Variants in CCDC85A observed in about 807,000 individuals in gnomAD.
CCDC85A encodes the protein coiled-coil domain-containing protein 85A.
CCDC85A carries 38 observed loss-of-function variants against 50.2 expected under a neutral mutation model. That is an observed-to-expected ratio of 0.76 (90% CI 0.58 to 0.99). The LOEUF (loss-of-function observed/expected upper bound fraction) is 0.99, where lower values mean the gene tolerates loss of function less well. CCDC85A is among the 50% of genes least tolerant of loss of function. The probability of loss-of-function intolerance (pLI) is 0.00; values close to 1 mark genes in which losing one functional copy is unlikely to be tolerated. For missense variants in CCDC85A, 820 were observed against 742.0 expected, an observed-to-expected ratio of 1.11 and a Z score of -1.22; for synonymous variants, 366 against 301.4, an observed-to-expected ratio of 1.21 and a Z score of -2.22.
chr2:56,233,552 C>A (rs569433218), intron 2 of CCDC85A, among the ~76,000 whole-genome samples: 1 of 152,054 alleles, frequency 6.6e-6, no homozygotes, highest in African/African-American at 2.4e-5. Flanking sequence ...GACTGTCTTC[C>A]AATAAAATTT....
At chr2:56,229,982 G>T (rs1444748438) in intron 2 of CCDC85A, among the ~76,000 whole-genome samples, 1 of 152,164 alleles carries the variant, frequency 6.6e-6, no homozygotes, top group Non-Finnish European at 1.5e-5. Context: ...GCAGTTGCCA[G>T]AGAATCTTAG....
Position 56,189,297 on chromosome 2 carries a change from GT to G in CCDC85A, c.277-3165del, listed in dbSNP as rs70955011. Among the ~76,000 whole-genome samples, 338 of 121,900 alleles carry G rather than the reference GT, an allele frequency of 2.8e-3. 13 individuals are homozygous for G. Among genetic ancestry groups the G allele is most frequent in the African/African-American group, 8.1e-3 (238 of 29,226 alleles). The allele number at this position is 121,900 out of a possible 152,430, so 80.0% of individuals were successfully genotyped here. On this transcript the variant is annotated intron_variant, in intron 1 of 5. Coordinates refer to ENST00000407595, the MANE Select transcript of CCDC85A (RefSeq NM_001080433.2). ...AAAACATGCACGGGGTATTTTTGGT[GT>G]TTTTTTTTTTTTTTGAGACAAGGTC... is the stretch of plus-strand genomic sequence containing the variant.
intron 1 of CCDC85A, among the ~76,000 whole-genome samples, chr2:56,190,000 T>G (rs1676230906): frequency 6.6e-6 from 1 of 152,202 alleles, no homozygotes; most frequent in Non-Finnish European, 1.5e-5. Context: ...ATGCCAAGAA[T>G]TAGAACTGGA....
At chr2:56,227,444 G>T (rs369835475) in intron 2 of CCDC85A, among the ~76,000 whole-genome samples, 1 of 152,166 alleles carries the variant, frequency 6.6e-6, no homozygotes, top group African/African-American at 2.4e-5. Flanking sequence ...GAGGGGAAGA[G>T]AAATGGACCA....
chr2:56,375,461 C>T (rs1676288819), intron 4 of CCDC85A, among the ~76,000 whole-genome samples: 1 of 152,162 alleles, frequency 6.6e-6, no homozygotes, highest in South Asian at 2.1e-4. Context: ...TGGCATTTGG[C>T]TTGCTGAGTG....
intron 2 of CCDC85A, among the ~76,000 whole-genome samples, chr2:56,196,901 A>G (rs997988679): frequency 5.4e-5 from 8 of 149,086 alleles, no homozygotes; most frequent in Non-Finnish European, 1.0e-4. Context: ...AAAAAAAAAA[A>G]AGGAATTGTT....
chr2:56,364,892 T>C (rs1420205269), intron 3 of CCDC85A, among the ~76,000 whole-genome samples: 1 of 152,244 alleles, frequency 6.6e-6, no homozygotes, highest in Non-Finnish European at 1.5e-5. Context: ...TAATTGGAAC[T>C]TCATCCCAGG....
intron 2 of CCDC85A, among the ~76,000 whole-genome samples, chr2:56,281,744 T>C (rs527374479): frequency 6.6e-6 from 1 of 152,196 alleles, no homozygotes; most frequent in East Asian, 1.9e-4. Flanking sequence ...CTTTTTTGAT[T>C]AGCTGTTTAT....
chr2:56,327,779 G>T (rs1673551072), intron 2 of CCDC85A, among the ~76,000 whole-genome samples: 1 of 143,280 alleles, frequency 7.0e-6, no homozygotes, highest in Non-Finnish European at 1.5e-5. Flanking sequence ...GGAAAGGCAA[G>T]GACCAAGTAC....
chr2:56,321,581 A>G (rs1046471956), intron 2 of CCDC85A, among the ~76,000 whole-genome samples: 3 of 152,202 alleles, frequency 2.0e-5, no homozygotes. Flanking sequence ...AATCCAACTT[A>G]CAAGGGATAT....
intron 2 of CCDC85A, among the ~76,000 whole-genome samples, chr2:56,285,857 A>T (rs940825900): frequency 1.3e-5 from 2 of 151,950 alleles, no homozygotes; most frequent in African/African-American, 4.8e-5. Context: ...GGCTGGTATC[A>T]TTTGCCTTTA....
chr2:56,243,755 C>G (rs1350172675), intron 2 of CCDC85A, among the ~76,000 whole-genome samples: 4 of 152,126 alleles, frequency 2.6e-5, no homozygotes, highest in Admixed American at 2.6e-4. Context: ...ACAGTCTGGA[C>G]TTGTTTGTAC....
chr2:56,274,525 C>T (rs1423308881), intron 2 of CCDC85A, among the ~76,000 whole-genome samples: 1 of 152,182 alleles, frequency 6.6e-6, no homozygotes, highest in Non-Finnish European at 1.5e-5. Flanking sequence ...TCAGTCTTTG[C>T]TCTTAGGGCT....
At chr2:56,315,199 TTGAC>T (rs1405704901) in intron 2 of CCDC85A, among the ~76,000 whole-genome samples, 1 of 152,144 alleles carries the variant, frequency 6.6e-6, no homozygotes, top group Admixed American at 6.6e-5. Context: ...TCCCATGAGA[TTGAC>T]TGAGGTAATT....
chr2:56,282,390 G>T (rs1199187482), intron 2 of CCDC85A, among the ~76,000 whole-genome samples: 1 of 152,160 alleles, frequency 6.6e-6, no homozygotes, highest in Admixed American at 6.5e-5. Flanking sequence ...ACAATTTGAG[G>T]TCAAGTATAT....
intron 2 of CCDC85A, among the ~76,000 whole-genome samples, chr2:56,222,379 TA>T (rs1185431024): frequency 6.6e-6 from 1 of 152,130 alleles, no homozygotes; most frequent in Non-Finnish European, 1.5e-5. Context: ...TTCCAACTTT[TA>T]AAATTAATGG....
chr2:56,185,250 A>G (rs1014505876), intron 1 of CCDC85A, among the ~76,000 whole-genome samples: 7 of 152,182 alleles, frequency 4.6e-5, no homozygotes, highest in South Asian at 2.1e-4. Context: ...TTAGGCGGAA[A>G]GGCCAGTGAG....
At position 56,364,858 on chromosome 2, in the gene CCDC85A, C is replaced by G. The variant is rs551879556; in HGVS notation, c.1318-7486C>G. The stretch of plus-strand genomic sequence containing the variant: ...TAGGCAATAAGTAATACTTTTTTTC[C>G]CTTCAAATTCTTTGTTGATCTCCTA... On this transcript the variant is annotated intron_variant, in intron 3 of 5. Coordinates refer to ENST00000407595, the MANE Select transcript of CCDC85A (RefSeq NM_001080433.2). Among the ~76,000 whole-genome samples the G allele has an allele frequency of 4.2e-4, 64 of 151,904 alleles. 1 individual carries two copies. Among genetic ancestry groups the G allele is most frequent in the African/African-American group, 1.3e-3 (54 of 41,456 alleles).
chr2:56,240,876 T>A (rs552712517), intron 2 of CCDC85A, among the ~76,000 whole-genome samples: 34 of 152,272 alleles, frequency 2.2e-4, no homozygotes, highest in Non-Finnish European at 4.1e-4. Context: ...TGAACTGTTG[T>A]TTTAAATTCT....
Sources: gnomAD v4.1 joint callset for allele counts (sites outside exome capture counted in the v4.1 genomes callset) on GRCh38, gnomAD v4.1.1 for gene constraint, MANE v1.5 for transcripts, NCBI Gene and HGNC (gene_info 2026-07-23, HGNC 2026-07-21) for gene names.